The following TBCA variants were observed in gnomAD, a reference collection of about 807,000 sequenced individuals.
TBCA encodes tubulin folding cofactor A.
In TBCA, 6 loss-of-function variants were observed where a neutral mutation model predicts 15.8. That is an observed-to-expected ratio of 0.38 (90% confidence interval 0.21 to 0.75). The LOEUF is 0.75. Among genes scored for constraint, TBCA ranks in the 30% least tolerant of loss-of-function variants. The probability of loss-of-function intolerance (pLI) is 0.46; values close to 1 mark genes in which losing one functional copy is unlikely to be tolerated. For missense variants in TBCA, 90 were observed against 131.2 expected (o/e 0.69, Z 1.53); for synonymous variants, 32 against 42.3 (o/e 0.76, Z 0.94).
At chr5:77,728,862 C>T (rs547103977) in intron 1 of TBCA, among the ~76,000 whole-genome samples, 1 of 152,094 alleles carries the variant, frequency 6.6e-6, no homozygotes, top group South Asian at 2.1e-4. Flanking sequence ...CCTTCCCTTC[C>T]TTGGTCAGTT....
At chr5:77,748,250 C>T (rs1381327316) in intron 1 of TBCA, among the ~76,000 whole-genome samples, 1 of 152,170 alleles carries the variant, frequency 6.6e-6, no homozygotes, top group Non-Finnish European at 1.5e-5. Flanking sequence ...TGTGAAATAA[C>T]TGTAATGTAG....
At chr5:77,741,198 T>C (rs917070932) in intron 1 of TBCA, among the ~76,000 whole-genome samples, 21 of 152,326 alleles carry the variant, frequency 1.4e-4, no homozygotes, top group African/African-American at 5.1e-4. Context: ...GTGGAGAAGA[T>C]AATTCCTTTG....
chr5:77,725,062 T>C (rs1235703443), intron 1 of TBCA, among the ~76,000 whole-genome samples: 2 of 128,582 alleles, frequency 1.6e-5, no homozygotes, highest in Non-Finnish European at 3.5e-5. Flanking sequence ...TGAGAGGTAT[T>C]ACCTGAGACG....
At chr5:77,763,650 C>T (rs1747702329) in intron 1 of TBCA, among the ~76,000 whole-genome samples, 1 of 152,144 alleles carries the variant, frequency 6.6e-6, no homozygotes, top group Admixed American at 6.5e-5. Flanking sequence ...CTCTTCCCAC[C>T]ACTCGAGGAT....
chr5:77,766,194 A>G (rs1320176404), intron 1 of TBCA, among the ~76,000 whole-genome samples: 1 of 152,202 alleles, frequency 6.6e-6, no homozygotes, highest in African/African-American at 2.4e-5. Context: ...GCAGTTAAAC[A>G]CACAAACACA....
intron 3 of TBCA, 103 bp from the exon 4 acceptor site, chr5:77,691,601 T>TA (rs1745750445): frequency 2.8e-6 from 4 of 1,428,594 alleles, no homozygotes; most frequent in Non-Finnish European, 3.7e-6. Flanking sequence ...ACTAAAAAAT[T>TA]AAAAGTAAAA....
chr5:77,743,224 C>T (rs757325656), intron 1 of TBCA, among the ~76,000 whole-genome samples: 4 of 152,134 alleles, frequency 2.6e-5, no homozygotes, highest in African/African-American at 4.8e-5. Flanking sequence ...TAGCATATAG[C>T]GGTTAGAGGT....
chr5:77,693,416 C>T (rs550520920), intron 2 of TBCA, 64 bp from the exon 3 acceptor site: 2 of 1,544,072 alleles, frequency 1.3e-6, no homozygotes, highest in South Asian at 2.5e-5. Flanking sequence ...TAGCTCATAT[C>T]TTGGTAAGTA....
intron 1 of TBCA, among the ~76,000 whole-genome samples, chr5:77,749,411 T>C (rs1747263288): frequency 1.3e-5 from 2 of 152,370 alleles, no homozygotes; most frequent in African/African-American, 4.8e-5. Flanking sequence ...TTTGATAAAT[T>C]TTAACTTTGT....
chr5:77,717,552 G>A (rs961305910), intron 1 of TBCA, among the ~76,000 whole-genome samples: 1 of 152,094 alleles, frequency 6.6e-6, no homozygotes, highest in Non-Finnish European at 1.5e-5. Context: ...GCTTTTAGTC[G>A]GGCGCAGTGG....
intron 1 of TBCA, among the ~76,000 whole-genome samples, chr5:77,715,928 AT>A (rs1256724453): frequency 2.0e-5 from 3 of 152,170 alleles, no homozygotes; most frequent in Non-Finnish European, 4.4e-5. Context: ...GATATAGCTG[AT>A]AACAAACTCT....
At chr5:77,775,473 G>C (rs1021754293) in intron 1 of TBCA, among the ~76,000 whole-genome samples, 10 of 152,160 alleles carry the variant, frequency 6.6e-5, no homozygotes, top group African/African-American at 1.4e-4. Flanking sequence ...CAACCGCCTT[G>C]GGCACATGTC....
chr5:77,771,755 C>T (rs1747920577), intron 1 of TBCA, among the ~76,000 whole-genome samples: 1 of 152,184 alleles, frequency 6.6e-6, no homozygotes, highest in African/African-American at 2.4e-5. Context: ...CACATTTCTT[C>T]CTCAGACCCA....
chr5:77,759,574 AT>A (rs1190315224), intron 1 of TBCA, among the ~76,000 whole-genome samples: 2 of 152,218 alleles, frequency 1.3e-5, no homozygotes, highest in Non-Finnish European at 2.9e-5. Context: ...GAGATAAAAA[AT>A]TTAAAGTAAG....
chr5:77,703,104 G>C (rs1746061222), intron 2 of TBCA, among the ~76,000 whole-genome samples: 1 of 152,096 alleles, frequency 6.6e-6, no homozygotes, highest in Non-Finnish European at 1.5e-5. Context: ...GTAAAAAAAA[G>C]CATATACATC....
intron 2 of TBCA, among the ~76,000 whole-genome samples, chr5:77,695,155 T>C (rs911332104): frequency 2.6e-5 from 4 of 152,138 alleles, no homozygotes; most frequent in African/African-American, 9.7e-5. Flanking sequence ...TAAAAAGAAA[T>C]ATTTTCTAAG....
Position 77,776,260 on chromosome 5 carries a change from TC to T in TBCA, c.-4del. ...TGTCTCACGCGAGGATCGGCCATGG[TC>T]CCTCGAGCGCCGCGAGAAGGAGGGG... On this transcript the variant is annotated 5_prime_UTR_variant, in exon 1 of 4. Transcript: ENST00000380377. The T allele has an allele frequency of 6.3e-7, 1 of 1,578,480 alleles. No homozygotes were observed. The highest frequency in any genetic ancestry group is 2.3e-5 in the East Asian group (1 of 42,810).
intron 2 of TBCA, among the ~76,000 whole-genome samples, chr5:77,698,335 T>C (rs528466723): frequency 6.6e-6 from 1 of 152,290 alleles, no homozygotes; most frequent in African/African-American, 2.4e-5. Flanking sequence ...ATATTGTTCA[T>C]AATGCTCATA....
intron 2 of TBCA, chr5:77,705,640 C>A: frequency 2.5e-6 from 1 of 398,152 alleles, no homozygotes. Flanking sequence ...CCAGCCTAAA[C>A]AAGAAAGTAA....
Sources: gnomAD v4.1 joint callset for allele counts (sites outside exome capture counted in the v4.1 genomes callset) on GRCh38, gnomAD v4.1.1 for gene constraint, MANE v1.5 for transcripts, NCBI Gene and HGNC (gene_info 2026-07-23, HGNC 2026-07-21) for gene names.